OSMR: variants seen among roughly 807,000 people sequenced by gnomAD.
The protein encoded by OSMR is oncostatin M receptor.
A neutral mutation model predicts 99.9 loss-of-function variants in OSMR; 81 were observed. That is an observed-to-expected ratio of 0.81 (90% CI 0.68 to 0.97). OSMR has a LOEUF of 0.97. OSMR is among the 50% of genes least tolerant of loss of function. The pLI is 0.00. For synonymous variants in OSMR, 406 were observed against 410.4 expected, an observed-to-expected ratio of 0.99 and a Z score of 0.13; for missense variants, 1,099 against 1,153.4, an observed-to-expected ratio of 0.95 and a Z score of 0.68.
chr5:38,942,298 A>G (rs947453820), intron 1 of OSMR: 3 of 1,553,232 alleles, frequency 1.9e-6, no homozygotes, highest in Non-Finnish European at 2.7e-6. Flanking sequence ...CATCATAAAT[A>G]TGAGGTCAGG....
At chr5:38,851,292 T>G (rs1740334220) in intron 1 of OSMR, among the ~76,000 whole-genome samples, 1 of 152,144 alleles carries the variant, frequency 6.6e-6, no homozygotes, top group East Asian at 1.9e-4. Context: ...CCCACCTCCC[T>G]CCCTCCATCT....
rs144947628 is a variant in OSMR at position 38,933,287 on chromosome 5, A to C, written c.2783A>C (p.Asp928Ala). 7.2e-5 allele frequency: 116 copies of C among 1,614,210 alleles called. 1 individual carries two copies. The African/African-American group carries it at 1.5e-3, about 20-fold the overall frequency. Reference sequence around the variant, plus strand: ...CAGTTGGCTTCACCCATGTTTGGAGACAAGGACAGTCTCCCAACAAACCCA... The same window carrying C: ...CAGTTGGCTTCACCCATGTTTGGAGCCAAGGACAGTCTCCCAACAAACCCA... ...VSQLASPMFG[D>A]KDSLPTNPVE... Residue 928 changes from aspartate (D) to alanine (A), a missense_variant, in exon 18 of 18, where the codon GAC (aspartate) becomes GCC (alanine). Transcript: ENST00000274276.
intron 1 of OSMR, among the ~76,000 whole-genome samples, chr5:38,857,659 C>A (rs10461993): frequency 6.6e-6 from 1 of 151,890 alleles, no homozygotes; most frequent in Admixed American, 6.6e-5. Flanking sequence ...TCTCTTCTAG[C>A]TATCTTTTTA....
chr5:38,923,056 G>T, intron 12 of OSMR, 94 bp from the exon 13 acceptor site: 1 of 1,503,746 alleles, frequency 6.7e-7, no homozygotes, highest in South Asian at 1.2e-5. Flanking sequence ...GATTTCAGGC[G>T]TGAGCCAACG....
chr5:38,862,720 A>C (rs1347683471), intron 1 of OSMR, among the ~76,000 whole-genome samples: 1 of 139,366 alleles, frequency 7.2e-6, no homozygotes, highest in Non-Finnish European at 1.6e-5. Flanking sequence ...CCTAGATGGG[A>C]TGGCGGCCGG....
rs948325082 is a variant in OSMR at position 38,941,238 on chromosome 5, T to C, written c.75-2963T>C. 1.7e-5 allele frequency: 4 copies of C among 232,750 alleles called. No individual in the cohort carries two copies. In the East Asian group the frequency reaches 2.4e-4, roughly 14 times the overall value. The allele number at this position is 232,750 out of a possible 1,614,324, so 14.4% of individuals were successfully genotyped here. ...TTTAGTTTGTGCAAAACAAAAACACTGATATAAAAATTAAGTTACTGCTGC... is the reference window on the plus strand; with the variant it reads ...TTTAGTTTGTGCAAAACAAAAACACCGATATAAAAATTAAGTTACTGCTGC... On this transcript the variant is annotated intron_variant and NMD_transcript_variant, in intron 1 of 2. Coordinates refer to the OSMR transcript ENST00000508882.
intron 7 of OSMR, among the ~76,000 whole-genome samples, chr5:38,902,252 C>T (rs1744942991): frequency 1.3e-5 from 2 of 152,222 alleles, no homozygotes; most frequent in Non-Finnish European, 2.9e-5. Context: ...GGATATGCCC[C>T]ACTGTTATGG....
At chr5:38,894,085 T>C (rs1379352652) in intron 7 of OSMR, among the ~76,000 whole-genome samples, 1 of 152,186 alleles carries the variant, frequency 6.6e-6, no homozygotes, top group Non-Finnish European at 1.5e-5. Context: ...TTGAGCTTCA[T>C]ATGTGAAGGT....
chr5:38,945,528 C>A (rs1205204797), downstream of OSMR: 3 of 1,613,950 alleles, frequency 1.9e-6, no homozygotes, highest in Middle Eastern at 3.3e-4. Context: ...GGTTGCTGGG[C>A]TGGAAACCCA....
chr5:38,866,721 G>T (rs1741978766), intron 1 of OSMR, among the ~76,000 whole-genome samples: 1 of 151,956 alleles, frequency 6.6e-6, no homozygotes, highest in East Asian at 1.9e-4. Flanking sequence ...TGATGAGAGG[G>T]AGGGGGCGGG....
At chr5:38,866,728 C>T (rs1005539417) in intron 1 of OSMR, among the ~76,000 whole-genome samples, 6 of 149,360 alleles carry the variant, frequency 4.0e-5, no homozygotes, top group Admixed American at 1.3e-4. Flanking sequence ...AGGGAGGGGG[C>T]GGGGACCCCA....
chr5:38,852,490 G>T (rs1386588667), intron 1 of OSMR, among the ~76,000 whole-genome samples: 3 of 151,856 alleles, frequency 2.0e-5, no homozygotes, highest in Non-Finnish European at 2.9e-5. Flanking sequence ...GTTACCAATT[G>T]GATACTACAT....
chr5:38,856,430 G>A (rs571852258), intron 1 of OSMR, among the ~76,000 whole-genome samples: 1 of 152,180 alleles, frequency 6.6e-6, no homozygotes, highest in Non-Finnish European at 1.5e-5. Flanking sequence ...AACACAGGGG[G>A]TGGCCTTGTC....
chr5:38,942,034 G>A (rs1435126979), intron 1 of OSMR: 1 of 331,694 alleles, frequency 3.0e-6, no homozygotes, highest in Non-Finnish European at 5.5e-6. Context: ...GGTATTCAGT[G>A]CTTGGCTCTT....
intron 3 of OSMR, among the ~76,000 whole-genome samples, chr5:38,879,875 G>A (rs1743138973): frequency 6.6e-6 from 1 of 151,918 alleles, no homozygotes; most frequent in African/African-American, 2.4e-5. Context: ...GCCTGCCTTG[G>A]CCTCCCAAAG....
chr5:38,907,674 G>T (rs1159669230), intron 9 of OSMR, among the ~76,000 whole-genome samples: 1 of 152,162 alleles, frequency 6.6e-6, no homozygotes, highest in Non-Finnish European at 1.5e-5. Flanking sequence ...TATCATAGCT[G>T]CTTTGCTGGC....
At chr5:38,923,919 C>G (rs982147294) in intron 13 of OSMR, among the ~76,000 whole-genome samples, 1 of 152,186 alleles carries the variant, frequency 6.6e-6, no homozygotes, top group Non-Finnish European at 1.5e-5. Flanking sequence ...AGTAAACATT[C>G]CTGGATTGTT....
chr5:38,896,606 G>A (rs74398188), intron 7 of OSMR, among the ~76,000 whole-genome samples: 10,058 of 151,944 alleles, frequency 0.066, 453 homozygotes, highest in South Asian at 0.17. Flanking sequence ...GGAAAATTTG[G>A]CTTCTTCCTT....
rs1399151142 is a variant in OSMR, at chr5:38,933,134, C to T, written c.2630C>T (p.Ser877Phe). Residue 877 changes from serine (S) to phenylalanine (F), a missense_variant, in exon 18 of 18, where the codon TCC becomes TTC. Physicochemically the swap from Ser to Phe is radical, Grantham distance 155. Coordinates refer to ENST00000274276, the MANE Select transcript of OSMR (RefSeq NM_003999.3). ...DSGSCGHVPV[S>F]PKAPSMLGLM... ...GGCTCTTGTGGCCATGTTCCAGTAT[C>T]CCCAAAAGCCCCAAGTATGCTGGGA... The T allele has an allele frequency of 6.2e-7, 1 of 1,614,188 alleles. No homozygotes were observed. Among genetic ancestry groups the T allele is most frequent in the Non-Finnish European group, 8.5e-7 (1 of 1,180,016 alleles).
Sources: allele counts gnomAD v4.1 joint callset (sites outside exome capture counted in the v4.1 genomes callset), GRCh38; gene constraint gnomAD v4.1.1; transcripts MANE v1.5; gene names NCBI Gene and HGNC (gene_info 2026-07-23, HGNC 2026-07-21).